ADAMTSL1: variants seen among roughly 807,000 people sequenced by gnomAD.
ADAMTSL1 encodes ADAMTS-like protein 1.
Under a neutral mutation model 201.8 loss-of-function variants are expected in ADAMTSL1, and 126 were observed. The observed-to-expected ratio is 0.62, with a 90% CI of 0.54 to 0.72. The LOEUF (loss-of-function observed/expected upper bound fraction) is 0.72, where lower values mean the gene tolerates loss of function less well. Ranked by LOEUF, ADAMTSL1 falls within the 30% of genes least tolerant of loss-of-function variation. The pLI is 0.00. For synonymous variants in ADAMTSL1, 1,121 were observed against 903.4 expected, an observed-to-expected ratio of 1.24 and a Z score of -4.32; for missense variants, 2,679 against 2,277.8, an observed-to-expected ratio of 1.18 and a Z score of -3.59.
At chr9:18,835,838 C>T (rs960253386) in intron 23 of ADAMTSL1, among the ~76,000 whole-genome samples, 61 of 152,094 alleles carry the variant, frequency 4.0e-4, no homozygotes, top group African/African-American at 1.4e-3. Context: ...GACATGATTT[C>T]ATTCTCTTTA....
At chr9:18,305,709 A>G (rs1833882772) in intron 2 of ADAMTSL1, among the ~76,000 whole-genome samples, 1 of 152,242 alleles carries the variant, frequency 6.6e-6, no homozygotes, top group Non-Finnish European at 1.5e-5. Flanking sequence ...AGCCGCAGTC[A>G]GGGGCTTATA....
At chr9:18,656,527 G>A (rs1209187999) in intron 7 of ADAMTSL1, among the ~76,000 whole-genome samples, 1 of 150,576 alleles carries the variant, frequency 6.6e-6, no homozygotes, top group African/African-American at 2.4e-5. Flanking sequence ...TACTCGGGAG[G>A]CTGAGGCAGA....
At chr9:18,652,917 A>G (rs775538863) in intron 7 of ADAMTSL1, among the ~76,000 whole-genome samples, 5 of 152,210 alleles carry the variant, frequency 3.3e-5, no homozygotes, top group Non-Finnish European at 5.9e-5. Flanking sequence ...CCATGCTTAT[A>G]AAAGGGAAAA....
chr9:18,339,067 A>G (rs951464669), intron 2 of ADAMTSL1, among the ~76,000 whole-genome samples: 2 of 152,178 alleles, frequency 1.3e-5, no homozygotes, highest in African/African-American at 4.8e-5. Flanking sequence ...TATAGTGAAT[A>G]GTGCTGCAGT....
At chr9:18,792,528 A>G (rs1476573578) in intron 19 of ADAMTSL1, among the ~76,000 whole-genome samples, 1 of 152,176 alleles carries the variant, frequency 6.6e-6, no homozygotes, top group Non-Finnish European at 1.5e-5. Flanking sequence ...TGGGTTTGGG[A>G]ACTTAGCATA....
At chr9:18,048,508 G>GTAAC (rs1220845076) in intron 1 of ADAMTSL1, among the ~76,000 whole-genome samples, 1 of 152,156 alleles carries the variant, frequency 6.6e-6, no homozygotes, top group Non-Finnish European at 1.5e-5. Flanking sequence ...TATGTAAGAT[G>GTAAC]TAACGTTCAC....
At chr9:18,657,833 TG>T in intron 8 of ADAMTSL1, 83 bp downstream of exon 8, 1 of 1,182,498 alleles carries the variant, frequency 8.5e-7, no homozygotes, top group Non-Finnish European at 1.2e-6. Flanking sequence ...TACTTCAGCA[TG>T]GAAGAAATTT....
In ADAMTSL1 at chr9:18,259,549, A is replaced by G. The variant is rs543977027; in HGVS notation, c.207+95568A>G. Among the ~76,000 whole-genome samples, 213 of 151,480 alleles carry G rather than the reference A, an allele frequency of 1.4e-3. 1 individual carries two copies. Among genetic ancestry groups the G allele is most frequent in the African/African-American group, 5.0e-3 (208 of 41,240 alleles). On this transcript the variant is annotated intron_variant, in intron 2 of 29. Transcript: ENST00000680146. ...AATACATATATCCTTATGTAGCATCACAAGCTTAATGTGCTCAGGTAGTAC... is the reference window on the plus strand; with the variant it reads ...AATACATATATCCTTATGTAGCATCGCAAGCTTAATGTGCTCAGGTAGTAC...
At chr9:18,707,113 A>C (rs1832278319) in intron 14 of ADAMTSL1, 65 bp downstream of exon 14, 3 of 1,538,844 alleles carry the variant, frequency 1.9e-6, no homozygotes, top group Non-Finnish European at 2.6e-6. Flanking sequence ...CTCTGCATGC[A>C]GCTGGATCAT....
At chr9:18,606,299 T>C (rs897476880) in intron 4 of ADAMTSL1, among the ~76,000 whole-genome samples, 1 of 152,178 alleles carries the variant, frequency 6.6e-6, no homozygotes, top group Non-Finnish European at 1.5e-5. Flanking sequence ...CTTGGAATCT[T>C]TTTGAAAGTT....
intron 1 of ADAMTSL1, among the ~76,000 whole-genome samples, chr9:17,966,160 C>T (rs1353165659): frequency 6.6e-6 from 1 of 152,074 alleles, no homozygotes; most frequent in Non-Finnish European, 1.5e-5. Flanking sequence ...GGGAAACCTT[C>T]TGAATACTCA....
intron 1 of ADAMTSL1, among the ~76,000 whole-genome samples, chr9:17,944,041 A>G (rs955360380): frequency 4.0e-5 from 6 of 151,272 alleles, no homozygotes; most frequent in African/African-American, 7.3e-5. Context: ...AATCCACCCT[A>G]TGATTCAAAC....
At chr9:18,438,517 C>A (rs1290308508) in intron 2 of ADAMTSL1, among the ~76,000 whole-genome samples, 1 of 152,126 alleles carries the variant, frequency 6.6e-6, no homozygotes, top group Non-Finnish European at 1.5e-5. Flanking sequence ...TATTTTGGAA[C>A]CAAGGCTGGC....
chr9:18,874,995 G>T (rs1300985120), intron 23 of ADAMTSL1, among the ~76,000 whole-genome samples: 2 of 151,928 alleles, frequency 1.3e-5, no homozygotes, highest in Admixed American at 1.3e-4. Flanking sequence ...TAATCTAGGA[G>T]GGTTGTATAT....
At chr9:18,726,358 C>T (rs917970633) in intron 15 of ADAMTSL1, among the ~76,000 whole-genome samples, 1 of 151,712 alleles carries the variant, frequency 6.6e-6, no homozygotes, top group Non-Finnish European at 1.5e-5. Flanking sequence ...CAAAAATTAG[C>T]TGGGTGTGTG....
intron 1 of ADAMTSL1, among the ~76,000 whole-genome samples, chr9:18,018,100 A>G (rs1820332282): frequency 6.6e-6 from 1 of 152,112 alleles, no homozygotes; most frequent in South Asian, 2.1e-4. Context: ...CTACACATAT[A>G]TAGAAAAATA....
At chr9:18,153,126 C>T (rs1256009985) in intron 1 of ADAMTSL1, among the ~76,000 whole-genome samples, 1 of 152,054 alleles carries the variant, frequency 6.6e-6, no homozygotes, top group Non-Finnish European at 1.5e-5. Context: ...CCACATTTCA[C>T]TGTTGATTCA....
chr9:18,855,470 A>G (rs911940768), intron 23 of ADAMTSL1, among the ~76,000 whole-genome samples: 5 of 152,218 alleles, frequency 3.3e-5, no homozygotes, highest in Non-Finnish European at 5.9e-5. Context: ...AAATCTTACA[A>G]AATAGATCAG....
chr9:18,604,679 T>G (rs748455629), intron 4 of ADAMTSL1, among the ~76,000 whole-genome samples: 1 of 152,190 alleles, frequency 6.6e-6, no homozygotes, highest in Non-Finnish European at 1.5e-5. Context: ...TTGGGTTGTT[T>G]CCCCCTTTTG....
Sources: allele counts gnomAD v4.1 joint callset (sites outside exome capture counted in the v4.1 genomes callset), GRCh38; gene constraint gnomAD v4.1.1; transcripts MANE v1.5; gene names NCBI Gene and HGNC (gene_info 2026-07-23, HGNC 2026-07-21).